Variants in ARHGAP8 observed in about 807,000 individuals in gnomAD.
The protein encoded by ARHGAP8 is rho GTPase-activating protein 8.
ARHGAP8 carries 62 observed loss-of-function variants against 46.1 expected under a neutral mutation model. The ratio of observed to expected loss-of-function variants is 1.34; its 90% CI spans 1.10 to 1.66. ARHGAP8 has a LOEUF of 1.66. ARHGAP8 is among the 40% of genes most tolerant of loss of function. The probability of loss-of-function intolerance (pLI) is 0.00; values close to 1 mark genes in which losing one functional copy is unlikely to be tolerated. For synonymous variants in ARHGAP8, 375 were observed against 243.1 expected (o/e 1.54, Z -5.05); for missense variants, 923 against 568.4 (o/e 1.62, Z -6.34).
At chr22:44,834,577 CTAT>C (rs1319771036) in intron 7 of ARHGAP8, among the ~76,000 whole-genome samples, 1 of 152,130 alleles carries the variant, frequency 6.6e-6, no homozygotes, top group Non-Finnish European at 1.5e-5. Context: ...AGTGTACATT[CTAT>C]TATTGTTGGG....
chr22:44,789,703 G>C (rs1309826663), intron 2 of ARHGAP8, among the ~76,000 whole-genome samples: 1 of 151,992 alleles, frequency 6.6e-6, no homozygotes, highest in Non-Finnish European at 1.5e-5. Context: ...GTTTTGTCAT[G>C]TTACCCAGGC....
At position 44,839,236 on chromosome 22, in the gene ARHGAP8, C is replaced by T. The variant is rs1050828062; in HGVS notation, c.597-6033C>T. Among the ~76,000 whole-genome samples the T allele has an allele frequency of 4.6e-5, 7 of 152,278 alleles. No individual in the cohort carries two copies. In the East Asian group the frequency reaches 5.8e-4, roughly 13 times the overall value. On this transcript the variant is annotated intron_variant, in intron 7 of 11. Transcript: ENST00000356099. ...TGGGAAGGAGGCAGGGGGCCAGGTC[C>T]GTATTCCTGCAACAGCAGGACCTCC...
rs6007347 is a variant in ARHGAP8 at position 44,862,620 on chromosome 22, G to T, written c.*25G>T. The stretch of plus-strand genomic sequence containing the variant: ...GTGTTGCGAACACTCTGTATATTTC[G>T]AGCTACCTCCCACACCTGTCTGTGC... On this transcript the variant is annotated 3_prime_UTR_variant, in exon 12 of 12. Transcript: ENST00000356099. 3,672 of 1,530,404 alleles carry T rather than the reference G, an allele frequency of 2.4e-3. 73 individuals carry two copies. The African/African-American group carries it at 0.044, about 18-fold the overall frequency. The allele number at this position is 1,530,404 out of a possible 1,614,324, so 94.8% of individuals were successfully genotyped here.
At chr22:44,812,664 T>C (rs1266149929) in intron 4 of ARHGAP8, among the ~76,000 whole-genome samples, 1 of 152,094 alleles carries the variant, frequency 6.6e-6, no homozygotes, top group Non-Finnish European at 1.5e-5. Flanking sequence ...CTCAGAGCCT[T>C]TTTAAAATTA....
chr22:44,788,095 ATGT>A (rs1181760128), intron 2 of ARHGAP8, among the ~76,000 whole-genome samples: 22 of 148,452 alleles, frequency 1.5e-4, no homozygotes, highest in East Asian at 3.9e-4. Context: ...TTTTTATTAT[ATGT>A]TATTATTATT....
At chr22:44,768,746 G>A (rs934141100) in intron 1 of ARHGAP8, among the ~76,000 whole-genome samples, 3 of 152,034 alleles carry the variant, frequency 2.0e-5, no homozygotes, top group African/African-American at 7.2e-5. Flanking sequence ...TTGCAGGAAG[G>A]TATGACATCA....
chr22:44,859,769 A>G lies in ARHGAP8; in HGVS notation c.916A>G (p.Ile306Val). The stretch of plus-strand genomic sequence containing the variant: ...CCTGCGTGTCACTGGCTGCCGCCAG[A>G]TCTTACGGAGCCTCCCAGAGCACAA... The part of the protein sequence containing the change: ...SSLRVTGCRQ[I>V]LRSLPEHNYV... Residue 306 changes from isoleucine to valine, a missense_variant, in exon 11 of 12, where the codon ATC becomes GTC. Ile to Val is a conservative substitution (Grantham distance 29). Transcript: ENST00000356099. The G allele has an allele frequency of 6.2e-7, 1 of 1,614,024 alleles. No homozygotes were observed. Among genetic ancestry groups the G allele is most frequent in the Non-Finnish European group, 8.5e-7 (1 of 1,180,024 alleles).
In ARHGAP8 at chr22:44,847,985, A is replaced by C; in HGVS notation, c.683A>C (p.Glu228Ala). The C allele has an allele frequency of 6.2e-7, 1 of 1,607,932 alleles. No homozygotes were observed. Among genetic ancestry groups the C allele is most frequent in the Non-Finnish European group, 8.5e-7 (1 of 1,179,920 alleles). The change falls in exon 9 of 12, where the codon GAG (glutamate) becomes GCG (alanine). Residue 228 changes from glutamate (E) to alanine (A), a missense_variant. Coordinates refer to ENST00000356099, the MANE Select transcript of ARHGAP8 (RefSeq NM_181335.3). Reference sequence around the variant, plus strand: ...TCCTCTCCTGCAGGCCTGCGCACCGAGGGCCTGTTCCGGAGATCCGCCAGC... The same window carrying C: ...TCCTCTCCTGCAGGCCTGCGCACCGCGGGCCTGTTCCGGAGATCCGCCAGC... ...TYLREKGLRT[E>A]GLFRRSASVQ... is the part of the protein sequence containing the mutation.
intron 1 of ARHGAP8, among the ~76,000 whole-genome samples, chr22:44,782,059 G>T (rs1926881795): frequency 6.6e-6 from 1 of 152,166 alleles, no homozygotes; most frequent in Non-Finnish European, 1.5e-5. Context: ...TTAGGGCCGG[G>T]TGTGGTGGCT....
chr22:44,841,537 C>T (rs762002411), intron 7 of ARHGAP8, among the ~76,000 whole-genome samples: 81 of 152,280 alleles, frequency 5.3e-4, no homozygotes, highest in Non-Finnish European at 9.4e-4. Flanking sequence ...TCTGCGGTAC[C>T]GGACTGCGCT....
chr22:44,786,306 CAGGGCGCGTAGTGGGTGCACGGCTGAGGT>C (rs879344063), intron 1 of ARHGAP8, 122 bp from the exon 2 acceptor site: 121,595 of 1,193,298 alleles, frequency 0.1, 5,777 homozygotes, highest in Middle Eastern at 0.11. Flanking sequence ...TCGGCTGAGG[CAGGGCGCGTAGTGGGTGCACGGCTGAGGT>C]AGGGCGCGTA....
intron 3 of ARHGAP8, among the ~76,000 whole-genome samples, chr22:44,802,995 CTG>C (rs1341793585): frequency 1.1e-4 from 16 of 152,018 alleles, no homozygotes; most frequent in Non-Finnish European, 1.6e-4. Context: ...CCTGCTGCTG[CTG>C]CTGCTGCTGC....
intron 10 of ARHGAP8, among the ~76,000 whole-genome samples, chr22:44,857,688 G>A (rs942528824): frequency 2.0e-5 from 3 of 152,146 alleles, no homozygotes; most frequent in African/African-American, 7.2e-5. Flanking sequence ...CCTCTCATAG[G>A]ATGATCTCAT....
rs562073065 is a variant in ARHGAP8 at position 44,787,887 on chromosome 22, C to T, written c.79+1281C>T. 6.0e-5 allele frequency among the ~76,000 whole-genome samples: 9 copies of T among 149,228 alleles called. No homozygotes were observed. The East Asian group carries it at 1.8e-3, about 29-fold the overall frequency. ...GGGACAGCAAGAGGGCAGGACTTGA[C>T]AGGCACTCAGTCATTTGAAGCCCCA... On this transcript the variant is annotated intron_variant, in intron 2 of 11. Coordinates refer to ENST00000356099, the MANE Select transcript of ARHGAP8 (RefSeq NM_181335.3).
intron 5 of ARHGAP8, among the ~76,000 whole-genome samples, chr22:44,816,841 C>T (rs1208446690): frequency 6.8e-5 from 10 of 146,764 alleles, no homozygotes; most frequent in Non-Finnish European, 1.0e-4. Flanking sequence ...CCCTGCCAGG[C>T]GGCTTGGAGC....
Position 44,850,322 on chromosome 22 carries a change from G to A in ARHGAP8, c.877+1262G>A, listed in dbSNP as rs147445924. The A allele has an allele frequency of 2.1e-4, 32 of 152,352 alleles. No homozygotes were observed. The East Asian group carries it at 6.0e-3, about 28-fold the overall frequency. The allele number at this position is 152,352 out of a possible 1,614,324, so 9.4% of individuals were successfully genotyped here. On this transcript the variant is annotated intron_variant, in intron 10 of 11. Transcript: ENST00000356099. ...GATGGGAAGCCTGGGAGAGTTCAGA[G>A]CCAGGCTGAGCCTCATGGAGACAAA... is the stretch of plus-strand genomic sequence containing the variant.
intron 2 of ARHGAP8, among the ~76,000 whole-genome samples, chr22:44,801,318 C>T (rs1233374003): frequency 8.6e-6 from 1 of 116,186 alleles, no homozygotes; most frequent in Non-Finnish European, 1.8e-5. Context: ...CACCTCTCCC[C>T]GCAGCTGTCT....
intron 4 of ARHGAP8, among the ~76,000 whole-genome samples, chr22:44,813,573 TACAC>T (rs552841846): frequency 7.3e-5 from 11 of 151,120 alleles, no homozygotes; most frequent in African/African-American, 1.7e-4. Flanking sequence ...TACATACAAC[TACAC>T]ACACACCACT....
intron 1 of ARHGAP8, among the ~76,000 whole-genome samples, chr22:44,774,309 G>A (rs1364310410): frequency 1.3e-5 from 2 of 152,142 alleles, no homozygotes; most frequent in Non-Finnish European, 2.9e-5. Flanking sequence ...AAGATGTAGT[G>A]AACTTCCTGA....
Sources: allele counts gnomAD v4.1 joint callset (sites outside exome capture counted in the v4.1 genomes callset), GRCh38; gene constraint gnomAD v4.1.1; transcripts MANE v1.5; gene names NCBI Gene and HGNC (gene_info 2026-07-23, HGNC 2026-07-21).